Variants in CTNNA2 observed in about 807,000 individuals in gnomAD.
The protein encoded by CTNNA2 is catenin alpha-2.
A neutral mutation model predicts 101.0 loss-of-function variants in CTNNA2; 42 were observed. The observed-to-expected ratio is 0.42, with a 90% CI of 0.32 to 0.54. The LOEUF is 0.54. Ranked by LOEUF, CTNNA2 falls within the 20% of genes least tolerant of loss-of-function variation. CTNNA2 has a pLI of 0.14. For missense variants in CTNNA2, 871 were observed against 1,223.1 expected (o/e 0.71, Z 4.29); for synonymous variants, 450 against 456.4 (o/e 0.99, Z 0.18).
intron 7 of CTNNA2, among the ~76,000 whole-genome samples, chr2:80,149,059 T>G (rs11887750): frequency 0.14 from 21,088 of 149,894 alleles, 3,820 homozygotes; most frequent in African/African-American, 0.42. Context: ...ACAAGTTATT[T>G]CTCTATCATC....
intron 7 of CTNNA2, among the ~76,000 whole-genome samples, chr2:80,165,403 G>T: frequency 6.6e-6 from 1 of 150,798 alleles, no homozygotes. Context: ...GCATTGTTTT[G>T]GTTCTAAAAG....
intron 3 of CTNNA2, among the ~76,000 whole-genome samples, chr2:79,780,793 TTATAC>T (rs1450412180): frequency 6.6e-6 from 1 of 152,210 alleles, no homozygotes; most frequent in Non-Finnish European, 1.5e-5. Flanking sequence ...TTCATGCAAC[TTATAC>T]TTTGCTCATA....
intron 7 of CTNNA2, among the ~76,000 whole-genome samples, chr2:79,993,511 A>T (rs996427064): frequency 6.6e-6 from 1 of 152,242 alleles, no homozygotes; most frequent in African/African-American, 2.4e-5. Flanking sequence ...ATACAGTCAC[A>T]TGAAGAAGTG....
intron 9 of CTNNA2, among the ~76,000 whole-genome samples, chr2:80,421,157 G>GA (rs1238068622): frequency 2.0e-5 from 3 of 150,028 alleles, no homozygotes; most frequent in South Asian, 4.2e-4. Flanking sequence ...AGAGGAGGAG[G>GA]AAAAAAAAAT....
chr2:79,749,986 T>C (rs187410912), intron 3 of CTNNA2, among the ~76,000 whole-genome samples: 3 of 152,346 alleles, frequency 2.0e-5, no homozygotes, highest in Admixed American at 1.3e-4. Context: ...TCTAATAGTC[T>C]TCATGAAGAA....
At chr2:79,818,345 CT>C (rs1334228323) in intron 3 of CTNNA2, among the ~76,000 whole-genome samples, 8 of 152,034 alleles carry the variant, frequency 5.3e-5, no homozygotes, top group African/African-American at 1.9e-4. Flanking sequence ...CGGAGTTTCG[CT>C]CTTTTACCCA....
chr2:79,447,798 G>C (rs932109354), intron 4 of CTNNA2, among the ~76,000 whole-genome samples: 2 of 152,024 alleles, frequency 1.3e-5, no homozygotes, highest in Admixed American at 6.6e-5. Context: ...CAGTACATTT[G>C]AATCTAAATT....
intron 12 of CTNNA2, among the ~76,000 whole-genome samples, chr2:80,557,947 G>A (rs13420722): frequency 0.012 from 1,768 of 152,050 alleles, 34 homozygotes; most frequent in African/African-American, 0.04. Flanking sequence ...TTTTTATCCT[G>A]GCTTGCAATG....
At chr2:79,825,686 A>G (rs910099789) in intron 3 of CTNNA2, among the ~76,000 whole-genome samples, 1 of 152,170 alleles carries the variant, frequency 6.6e-6, no homozygotes, top group Admixed American at 6.5e-5. Flanking sequence ...GAGGCAAGGT[A>G]AGAACTGGAG....
At chr2:80,208,086 A>C (rs1047754987) in intron 7 of CTNNA2, among the ~76,000 whole-genome samples, 1 of 152,180 alleles carries the variant, frequency 6.6e-6, no homozygotes, top group African/African-American at 2.4e-5. Context: ...TTTATTGCTT[A>C]AGCAAGACCA....
At chr2:79,365,138 A>G (rs954023604) in intron 3 of CTNNA2, among the ~76,000 whole-genome samples, 18 of 152,044 alleles carry the variant, frequency 1.2e-4, no homozygotes, top group African/African-American at 4.1e-4. Flanking sequence ...TTAGCTGAGC[A>G]TGGTGGCGGG....
At chr2:79,387,725 G>A (rs368542522) in intron 4 of CTNNA2, among the ~76,000 whole-genome samples, 1 of 138,598 alleles carries the variant, frequency 7.2e-6, no homozygotes, top group South Asian at 2.1e-4. Context: ...AAAACCTGGC[G>A]GCAGAGCTCC....
chr2:79,220,200 GTA>G (rs1186658568), intron 2 of CTNNA2, among the ~76,000 whole-genome samples: 1 of 151,598 alleles, frequency 6.6e-6, no homozygotes. Flanking sequence ...GTGTGTGTGT[GTA>G]TATATATGTA....
intron 4 of CTNNA2, among the ~76,000 whole-genome samples, chr2:79,386,666 A>G (rs968548585): frequency 6.6e-6 from 1 of 152,150 alleles, no homozygotes; most frequent in Non-Finnish European, 1.5e-5. Context: ...CTCTCCTTTC[A>G]TGTTGAAACT....
rs181181665 is a variant in CTNNA2 at position 79,873,667 on chromosome 2, G to A, written c.586-409G>A. 6.4e-4 allele frequency among the ~76,000 whole-genome samples: 97 copies of A among 152,270 alleles called. 1 individual carries two copies. The highest frequency in any genetic ancestry group is 2.5e-3 in the South Asian group (12 of 4,822). On this transcript the variant is annotated intron_variant, in intron 5 of 18. Coordinates refer to ENST00000402739, the MANE Select transcript of CTNNA2 (RefSeq NM_001282597.3). Reference sequence around the variant, plus strand: ...TCATTCCAGCACTTTGGGAAGCAGAGGTGGGAGAATCCCTTGAGGCCAGGA... The same window carrying A: ...TCATTCCAGCACTTTGGGAAGCAGAAGTGGGAGAATCCCTTGAGGCCAGGA...
At chr2:80,618,571 C>T (rs1699041235) in intron 17 of CTNNA2, 1 of 151,816 alleles carries the variant, frequency 6.6e-6, no homozygotes, top group Non-Finnish European at 1.5e-5. Context: ...TCAGTGATCC[C>T]AATGAAAGAG....
At chr2:80,228,652 G>A (rs1709027456) in intron 7 of CTNNA2, among the ~76,000 whole-genome samples, 1 of 152,092 alleles carries the variant, frequency 6.6e-6, no homozygotes, top group African/African-American at 2.4e-5. Flanking sequence ...TCACCTATTG[G>A]GGAGGACTCA....
intron 1 of CTNNA2, among the ~76,000 whole-genome samples, chr2:79,556,987 T>A (rs1418786019): frequency 2.6e-5 from 4 of 152,002 alleles, no homozygotes; most frequent in African/African-American, 9.7e-5. Flanking sequence ...CTTAAAGATC[T>A]TCAGAGAAGG....
chr2:80,495,093 T>A (rs765667468), intron 9 of CTNNA2, among the ~76,000 whole-genome samples: 6 of 152,220 alleles, frequency 3.9e-5, no homozygotes, highest in Non-Finnish European at 7.3e-5. Flanking sequence ...TTGGGGATAC[T>A]GTAGAAAAAG....
Sources: gnomAD v4.1 joint callset for allele counts (sites outside exome capture counted in the v4.1 genomes callset) on GRCh38, gnomAD v4.1.1 for gene constraint, MANE v1.5 for transcripts, NCBI Gene and HGNC (gene_info 2026-07-23, HGNC 2026-07-21) for gene names.